The following NFIA variants were observed in gnomAD, a reference collection of about 807,000 sequenced individuals.
The protein encoded by NFIA is nuclear factor 1 A-type.
NFIA carries 8 observed loss-of-function variants against 62.8 expected under a neutral mutation model. The observed-to-expected ratio is 0.13, with a 90% CI of 0.07 to 0.23. The LOEUF (loss-of-function observed/expected upper bound fraction) is 0.23, where lower values mean the gene tolerates loss of function less well. Ranked by LOEUF, NFIA falls within the 10% of genes least tolerant of loss-of-function variation. The probability of loss-of-function intolerance (pLI) is 1.00; values close to 1 mark genes in which losing one functional copy is unlikely to be tolerated. For synonymous variants in NFIA, 235 were observed against 238.1 expected (o/e 0.99, Z 0.12); for missense variants, 410 against 642.1 (o/e 0.64, Z 3.91).
intron 7 of NFIA, among the ~76,000 whole-genome samples, chr1:61,403,076 G>A (rs1479882839): frequency 2.0e-5 from 3 of 152,184 alleles, no homozygotes; most frequent in African/African-American, 7.2e-5. Context: ...TCCAAAATGT[G>A]GACATTCCTG....
intron 3 of NFIA, among the ~76,000 whole-genome samples, chr1:61,293,478 C>T (rs1410991438): frequency 6.6e-6 from 1 of 152,208 alleles, no homozygotes; most frequent in African/African-American, 2.4e-5. Flanking sequence ...TCAAATACGC[C>T]AGTCATATCA....
intron 2 of NFIA, among the ~76,000 whole-genome samples, chr1:61,256,657 AG>A (rs1208990672): frequency 2.0e-5 from 3 of 152,136 alleles, no homozygotes; most frequent in Non-Finnish European, 4.4e-5. Context: ...TTTGGTCAAA[AG>A]GGAAATACAG....
chr1:61,277,376 T>C, intron 2 of NFIA, 144 bp from the exon 3 acceptor site: 1 of 733,170 alleles, frequency 1.4e-6, no homozygotes, highest in Non-Finnish European at 2.3e-6. Flanking sequence ...TCTTTCCATC[T>C]TTTCTTTTTT....
In NFIA at chr1:61,455,421, T is replaced by G. The variant is rs373197940; in HGVS notation, c.*101T>G. 3.8e-6 allele frequency: 6 copies of G among 1,589,106 alleles called. No individual in the cohort carries two copies. Among genetic ancestry groups the G allele is most frequent in the African/African-American group, 1.4e-5 (1 of 73,916 alleles). ...ACCCAGCGCAGTTACAACTTCACTATCAGCGGAAGGGGAGAAAAACCGATT... is the reference window on the plus strand; with the variant it reads ...ACCCAGCGCAGTTACAACTTCACTAGCAGCGGAAGGGGAGAAAAACCGATT... On this transcript the variant is annotated 3_prime_UTR_variant, in exon 11 of 11. Transcript: ENST00000403491.
rs74090318 is a variant in NFIA at position 61,212,038 on chromosome 1, G to A, written c.560-65482G>A. On this transcript the variant is annotated intron_variant, in intron 2 of 10. Transcript: ENST00000403491. ...AGTCTTCATGAGTCTTATGCGCTTA[G>A]GGTGTGGATTTAAATTAGCAAATTG... Among the ~76,000 whole-genome samples, 1,234 of 152,280 alleles carry A rather than the reference G, an allele frequency of 8.1e-3. 14 individuals are homozygous for A. Among genetic ancestry groups the A allele is most frequent in the African/African-American group, 0.028 (1,146 of 41,548 alleles).
chr1:61,078,217 G>A (rs1279261065), upstream of NFIA, among the ~76,000 whole-genome samples: 3 of 151,664 alleles, frequency 2.0e-5, no homozygotes, highest in African/African-American at 4.8e-5. Flanking sequence ...AGCTACAAGC[G>A]CTTCCGGATT....
At chr1:61,418,619 CACATT>C (rs1476459732) in intron 9 of NFIA, among the ~76,000 whole-genome samples, 2 of 152,140 alleles carry the variant, frequency 1.3e-5, no homozygotes, top group Non-Finnish European at 2.9e-5. Context: ...GTCTTATAAG[CACATT>C]ACATTATTAT....
chr1:61,419,587 C>G (rs1027924477), intron 9 of NFIA, among the ~76,000 whole-genome samples: 1 of 152,144 alleles, frequency 6.6e-6, no homozygotes, highest in Non-Finnish European at 1.5e-5. Flanking sequence ...AACATGAATT[C>G]TCTTGCACCT....
intron 7 of NFIA, among the ~76,000 whole-genome samples, chr1:61,387,353 G>A (rs563028389): frequency 7.2e-5 from 11 of 152,222 alleles, no homozygotes; most frequent in African/African-American, 2.2e-4. Flanking sequence ...CAGTATGCAC[G>A]TGGGTCATAC....
At chr1:61,396,676 A>C (rs914461578) in intron 7 of NFIA, among the ~76,000 whole-genome samples, 6 of 152,092 alleles carry the variant, frequency 3.9e-5, no homozygotes, top group African/African-American at 1.2e-4. Flanking sequence ...GGCCGTGGGG[A>C]GGCCATGCTC....
chr1:61,212,714 A>G (rs1376775330), intron 2 of NFIA, among the ~76,000 whole-genome samples: 1 of 152,204 alleles, frequency 6.6e-6, no homozygotes, highest in Non-Finnish European at 1.5e-5. Flanking sequence ...TTGGGACTGT[A>G]TCTTCAGGCA....
At chr1:61,248,031 G>A (rs979927526) in intron 2 of NFIA, among the ~76,000 whole-genome samples, 4 of 152,072 alleles carry the variant, frequency 2.6e-5, no homozygotes, top group Non-Finnish European at 4.4e-5. Flanking sequence ...ACATGTGTGC[G>A]GTGATAAGCA....
intron 10 of NFIA, among the ~76,000 whole-genome samples, chr1:61,446,210 T>C (rs17122229): frequency 0.013 from 2,042 of 152,242 alleles, 42 homozygotes; most frequent in East Asian, 0.049. Context: ...GTCCAGTGCT[T>C]AACTATCTTT....
At chr1:61,440,547 A>C (rs552414837) in intron 10 of NFIA, among the ~76,000 whole-genome samples, 1 of 152,332 alleles carries the variant, frequency 6.6e-6, no homozygotes, top group South Asian at 2.1e-4. Flanking sequence ...GTGGCACTAC[A>C]GACCTGTTAT....
chr1:61,211,605 A>G (rs757270178), intron 2 of NFIA, among the ~76,000 whole-genome samples: 1 of 152,242 alleles, frequency 6.6e-6, no homozygotes, highest in Non-Finnish European at 1.5e-5. Flanking sequence ...AGAGCAAATA[A>G]GAGACACCAG....
rs1557456570 is a variant in NFIA at position 61,457,315 on chromosome 1, T to C, written c.*1995T>C. The C allele has an allele frequency of 1.3e-5, 2 of 152,230 alleles. No homozygotes were observed. The highest frequency in any genetic ancestry group is 2.4e-5 in the African/African-American group (1 of 41,466). The allele number at this position is 152,230 out of a possible 1,614,324, so 9.4% of individuals were successfully genotyped here. On this transcript the variant is annotated 3_prime_UTR_variant, in exon 11 of 11. Transcript: ENST00000403491. This position sits in a 1 kb window ranked among gnomAD's most constrained non-coding sequence, Gnocchi z 4.2. Reference sequence around the variant, plus strand: ...GGAATTGTTGCACATGCTCCTCTATTGAAAGGGGTTTTTCCCTAGTCAAGC... The same window carrying C: ...GGAATTGTTGCACATGCTCCTCTATCGAAAGGGGTTTTTCCCTAGTCAAGC...
intron 2 of NFIA, among the ~76,000 whole-genome samples, chr1:61,116,304 C>T (rs1480925827): frequency 6.6e-6 from 1 of 152,182 alleles, no homozygotes; most frequent in African/African-American, 2.4e-5. Flanking sequence ...ATATCTGCCA[C>T]TTCCAGTACT....
intron 2 of NFIA, among the ~76,000 whole-genome samples, chr1:61,202,331 T>C (rs1652559719): frequency 1.3e-5 from 2 of 152,178 alleles, no homozygotes. Context: ...TCAAAATATG[T>C]TCCCTAAGAC....
At chr1:61,347,543 G>A (rs569364922) in intron 4 of NFIA, among the ~76,000 whole-genome samples, 2 of 152,166 alleles carry the variant, frequency 1.3e-5, no homozygotes, top group African/African-American at 4.8e-5. Context: ...CCTGTGTCCT[G>A]TGCCTCTTTA....
Sources: gnomAD v4.1 joint callset for allele counts (sites outside exome capture counted in the v4.1 genomes callset) on GRCh38, gnomAD v4.1.1 for gene constraint, Gnocchi (gnomAD v3.1) non-coding constraint, MANE v1.5 for transcripts, NCBI Gene and HGNC (gene_info 2026-07-23, HGNC 2026-07-21) for gene names.